JPH3: variants seen among roughly 807,000 people sequenced by gnomAD.
JPH3 encodes junctophilin 3, also known as junctophilin-3.
JPH3 carries 11 observed loss-of-function variants against 59.6 expected under a neutral mutation model. The ratio of observed to expected loss-of-function variants is 0.18; its 90% CI spans 0.12 to 0.31. The LOEUF is 0.31. JPH3 is among the 10% of genes least tolerant of loss of function. The probability of loss-of-function intolerance (pLI) is 1.00; values close to 1 mark genes in which losing one functional copy is unlikely to be tolerated. For synonymous variants in JPH3, 673 were observed against 483.6 expected (o/e 1.39, Z -5.14); for missense variants, 1,202 against 1,105.7 (o/e 1.09, Z -1.24).
intron 2 of JPH3, among the ~76,000 whole-genome samples, chr16:87,659,399 G>C (rs8044007): frequency 1.7e-4 from 11 of 65,450 alleles, no homozygotes; most frequent in South Asian, 1.6e-3. Flanking sequence ...AAAAAAAAAA[G>C]AAAACTACAC....
At chr16:87,692,386 C>A (rs540288751) in intron 4 of JPH3, among the ~76,000 whole-genome samples, 1 of 152,212 alleles carries the variant, frequency 6.6e-6, no homozygotes, top group Non-Finnish European at 1.5e-5. Flanking sequence ...TCAGGGCAGT[C>A]GGGTGCCAGG....
intron 1 of JPH3, among the ~76,000 whole-genome samples, chr16:87,639,634 G>GTCCTCCCTCCT: frequency 6.7e-6 from 1 of 149,488 alleles, no homozygotes; most frequent in Admixed American, 6.6e-5. Flanking sequence ...CCTCCCTCCT[G>GTCCTCCCTCCT]GCCTCCCGCC....
At chr16:87,664,331 GAA>G (rs71389874) in intron 2 of JPH3, among the ~76,000 whole-genome samples, 2 of 127,806 alleles carry the variant, frequency 1.6e-5, no homozygotes, top group Admixed American at 8.2e-5. Flanking sequence ...GACTCTGTCT[GAA>G]AAAAAAAAAA....
intron 1 of JPH3, among the ~76,000 whole-genome samples, chr16:87,618,395 A>G (rs972549404): frequency 6.6e-6 from 1 of 152,154 alleles, no homozygotes; most frequent in African/African-American, 2.4e-5. Flanking sequence ...TGAGGACACA[A>G]CACTGGCCTG....
At chr16:87,669,107 C>A (rs1488684555) in intron 2 of JPH3, among the ~76,000 whole-genome samples, 1 of 152,240 alleles carries the variant, frequency 6.6e-6, no homozygotes, top group Non-Finnish European at 1.5e-5. Context: ...CGGGCCTTCC[C>A]TCTTGCACCA....
At chr16:87,632,266 G>A (rs549343310) in intron 1 of JPH3, among the ~76,000 whole-genome samples, 18 of 152,182 alleles carry the variant, frequency 1.2e-4, no homozygotes, top group African/African-American at 4.1e-4. Flanking sequence ...AAGCATTGGC[G>A]AAAAGACGAA....
intron 2 of JPH3, among the ~76,000 whole-genome samples, chr16:87,657,027 A>T (rs1284907810): frequency 1.3e-5 from 2 of 151,634 alleles, no homozygotes; most frequent in African/African-American, 4.9e-5. Context: ...AACCTTAATT[A>T]CCTCCTTAAA....
chr16:87,644,979 G>C lies in JPH3; in HGVS notation c.1104G>C (p.Glu368Asp), dbSNP rs746694210. 3.4e-5 allele frequency: 55 copies of C among 1,609,696 alleles called. No homozygotes were observed. The highest frequency in any genetic ancestry group is 1.4e-4 in the South Asian group (13 of 91,058). Residue 368 changes from glutamate (E) to aspartate (D), a missense_variant, in exon 2 of 5, where the codon GAG (glutamate) becomes GAC (aspartate). Physicochemically the swap from Glu to Asp is conservative, Grantham distance 45. Transcript: ENST00000284262. ...GCGAGAAGGTGGACCGCGCCGTTGA[G>C]GCCGCTGAGCGGGCCGCCACCATCG... ...KIREKVDRAV[E>D]AAERAATIAK...
chr16:87,687,553 G>A (rs1222871977), intron 3 of JPH3, among the ~76,000 whole-genome samples: 3 of 152,238 alleles, frequency 2.0e-5, no homozygotes, highest in African/African-American at 7.2e-5. Context: ...GCCACTTCCG[G>A]TGCCATCCGC....
intron 1 of JPH3, chr16:87,604,050 G>T: frequency 2.0e-6 from 2 of 982,102 alleles, no homozygotes; most frequent in Non-Finnish European, 2.4e-6. Context: ...GGCGGGGGAT[G>T]CCAACCCGAA....
chr16:87,684,349 C>G, intron 3 of JPH3, 83 bp downstream of exon 3: 1 of 1,551,668 alleles, frequency 6.4e-7, no homozygotes. Context: ...GATGTGTCCT[C>G]CAGAGCGGGT....
intron 2 of JPH3, among the ~76,000 whole-genome samples, chr16:87,646,289 G>A (rs186779074): frequency 1.3e-5 from 2 of 152,334 alleles, no homozygotes; most frequent in African/African-American, 4.8e-5. Context: ...GCGGTTTGTT[G>A]GCAGAATATG....
intron 2 of JPH3, among the ~76,000 whole-genome samples, chr16:87,653,199 C>T (rs1056116732): frequency 6.6e-6 from 1 of 152,190 alleles, no homozygotes; most frequent in Admixed American, 6.5e-5. Context: ...AACAGTGTGG[C>T]TCTGGGGGTG....
intron 2 of JPH3, among the ~76,000 whole-genome samples, chr16:87,658,256 C>T (rs1398400266): frequency 6.6e-6 from 1 of 152,170 alleles, no homozygotes; most frequent in Non-Finnish European, 1.5e-5. Flanking sequence ...ATTTGCACCC[C>T]AGCTCAGGCG....
At chr16:87,650,172 G>A (rs138066732) in intron 2 of JPH3, among the ~76,000 whole-genome samples, 20 of 152,326 alleles carry the variant, frequency 1.3e-4, no homozygotes, top group Non-Finnish European at 2.1e-4. Context: ...TGCTCACATC[G>A]TGTGTCCGTG....
At chr16:87,680,484 C>T (rs536399518) in intron 2 of JPH3, among the ~76,000 whole-genome samples, 92 of 152,340 alleles carry the variant, frequency 6.0e-4, no homozygotes, top group African/African-American at 2.1e-3. Context: ...GTGGGAGCCT[C>T]GCATGCAGGG....
intron 1 of JPH3, chr16:87,604,307 T>G (rs1476847996): frequency 6.8e-7 from 1 of 1,465,920 alleles, no homozygotes. Context: ...CTGCTGCTGC[T>G]GCTGCTGCTG....
intron 2 of JPH3, among the ~76,000 whole-genome samples, chr16:87,671,463 G>A (rs1218054482): frequency 7.2e-5 from 11 of 152,232 alleles, no homozygotes; most frequent in Non-Finnish European, 1.0e-4. Context: ...CACCTGGTAT[G>A]TCCTGGGTGG....
chr16:87,637,037 T>C (rs2031773868), intron 1 of JPH3, among the ~76,000 whole-genome samples: 9 of 152,112 alleles, frequency 5.9e-5, no homozygotes, highest in Admixed American at 5.9e-4. Context: ...GCCACGGGAG[T>C]TTGCTGCGAG....
Sources: allele counts gnomAD v4.1 joint callset (sites outside exome capture counted in the v4.1 genomes callset), GRCh38; gene constraint gnomAD v4.1.1; transcripts MANE v1.5; gene names NCBI Gene and HGNC (gene_info 2026-07-23, HGNC 2026-07-21).